The following ADCYAP1 variants were observed in gnomAD, a reference collection of about 807,000 sequenced individuals.
The protein encoded by ADCYAP1 is adenylate cyclase activating polypeptide 1, also known as pituitary adenylate cyclase-activating polypeptide.
A neutral mutation model predicts 18.5 loss-of-function variants in ADCYAP1; 6 were observed. The observed-to-expected ratio is 0.32, with a 90% confidence interval of 0.18 to 0.64. ADCYAP1 has a LOEUF of 0.64. Among genes scored for constraint, ADCYAP1 ranks in the 30% least tolerant of loss-of-function variants. The pLI is 0.77. For synonymous variants in ADCYAP1, 136 were observed against 113.9 expected, an observed-to-expected ratio of 1.19 and a Z score of -1.24; for missense variants, 314 against 253.6, an observed-to-expected ratio of 1.24 and a Z score of -1.62.
chr18:908,500 G>A, intron 4 of ADCYAP1, 137 bp downstream of exon 4: 1 of 611,692 alleles, frequency 1.6e-6, no homozygotes, highest in East Asian at 3.0e-5. Flanking sequence ...CATCCGCCAC[G>A]GGTCGCAGTT....
rs1429777735 is a variant in ADCYAP1 at position 910,292 on chromosome 18, T to C, written c.*657T>C. 7 of 152,264 alleles carry C rather than the reference T, an allele frequency of 4.6e-5. No individual in the cohort carries two copies. Among genetic ancestry groups the C allele is most frequent in the Admixed American group, 1.3e-4 (2 of 15,286 alleles). The allele number at this position is 152,264 out of a possible 1,614,324, so 9.4% of individuals were successfully genotyped here. ...TCTGCTTTCTTTGATTCTCCTTTTA[T>C]GTGTAGTTGTCTCTCTTCAGACTCT... is the stretch of plus-strand genomic sequence containing the variant. On this transcript the variant is annotated 3_prime_UTR_variant, in exon 5 of 5. Coordinates refer to ENST00000450565, the MANE Select transcript of ADCYAP1 (RefSeq NM_001099733.2).
Position 909,551 on chromosome 18 carries a change from T to G in ADCYAP1, c.447T>G (p.Ala149=). Residue 149 remains alanine (A), a synonymous_variant, in exon 5 of 5, where the codon GCT becomes GCG. Transcript: ENST00000450565. Reference sequence around the variant, plus strand: ...ACAGCCGCTACCGGAAACAAATGGCTGTCAAGAAATACTTGGCGGCCGTCC... The same window carrying G: ...ACAGCCGCTACCGGAAACAAATGGCGGTCAAGAAATACTTGGCGGCCGTCC... ...DSYSRYRKQM[A]VKKYLAAVLG... is the part of the protein sequence containing the mutation. The G allele has an allele frequency of 6.2e-7, 1 of 1,614,176 alleles. No homozygotes were observed. The highest frequency in any genetic ancestry group is 8.5e-7 in the Non-Finnish European group (1 of 1,180,016).
chr18:904,624 C>A, upstream of ADCYAP1: 1 of 1,248,378 alleles, frequency 8.0e-7, no homozygotes, highest in Non-Finnish European at 1.0e-6. Context: ...CTCGCGGCTG[C>A]CTGGCCCGCG....
intron 4 of ADCYAP1, 33 bp from the exon 5 acceptor site, chr18:909,413 C>G: frequency 6.3e-7 from 1 of 1,594,096 alleles, no homozygotes; most frequent in Non-Finnish European, 8.5e-7. Flanking sequence ...GTCTCCCGCC[C>G]CGCCACCCTC....
chr18:904,633 C>T (rs981349083), upstream of ADCYAP1: 1 of 1,243,014 alleles, frequency 8.0e-7, no homozygotes, highest in Non-Finnish European at 1.0e-6. Flanking sequence ...GCCTGGCCCG[C>T]GGCTCCTACA....
At chr18:908,966 T>C (rs1253877680) in intron 4 of ADCYAP1, among the ~76,000 whole-genome samples, 2 of 152,150 alleles carry the variant, frequency 1.3e-5, no homozygotes, top group Non-Finnish European at 2.9e-5. Flanking sequence ...GTTTTTCAAC[T>C]CGGCGTGAGG....
Position 909,776 on chromosome 18 carries a change from T to G in ADCYAP1, c.*141T>G, listed in dbSNP as rs1158567143. ...AAGTAAAGCCATTAAATGAATATTT[T>G]GATAATAATATTGTTTTTCTTTCTA... is the stretch of plus-strand genomic sequence containing the variant. On this transcript the variant is annotated 3_prime_UTR_variant, in exon 5 of 5. Transcript: ENST00000450565. 1 of 658,412 alleles carries G rather than the reference T, an allele frequency of 1.5e-6. No individual in the cohort carries two copies. 40.8% of individuals were successfully genotyped at this position (658,412 alleles called of 1,614,324 possible).
Position 908,121 on chromosome 18 carries a change from G to C in ADCYAP1, c.243-144G>C, listed in dbSNP as rs1598984440. 1.2e-5 allele frequency: 9 copies of C among 738,074 alleles called. No individual in the cohort carries two copies. The South Asian group carries it at 1.4e-4, about 12-fold the overall frequency. The allele number at this position is 738,074 out of a possible 1,614,324, so 45.7% of individuals were successfully genotyped here. On this transcript the variant is annotated intron_variant, in intron 3 of 4. Coordinates refer to ENST00000450565, the MANE Select transcript of ADCYAP1 (RefSeq NM_001099733.2). ...AGTTGCTCTCGAGATCATCCCGGGA[G>C]TTATTGGCGAGTTCTGGGCCTCTGG... is the stretch of plus-strand genomic sequence containing the variant.
rs1200286130 is a variant in ADCYAP1, at chr18:911,151, A to T, written c.*1516A>T. 1.3e-5 allele frequency: 2 copies of T among 152,174 alleles called. No individual in the cohort carries two copies. The highest frequency in any genetic ancestry group is 1.3e-4 in the Admixed American group (2 of 15,274). The allele number at this position is 152,174 out of a possible 1,614,324, so 9.4% of individuals were successfully genotyped here. On this transcript the variant is annotated 3_prime_UTR_variant, in exon 5 of 5. Coordinates refer to ENST00000450565, the MANE Select transcript of ADCYAP1 (RefSeq NM_001099733.2). ...CCTCTTCTTCATATGTATGAGTACT[A>T]TCTTATATCTGTGGTCAAGAGTGAG...
At position 905,420 on chromosome 18, in the gene ADCYAP1, C is replaced by A. The variant is rs778244814; in HGVS notation, c.34C>A (p.Leu12Met). 1 of 1,612,988 alleles carries A rather than the reference C, an allele frequency of 6.2e-7. No individual in the cohort carries two copies. Among genetic ancestry groups the A allele is most frequent in the Non-Finnish European group, 8.5e-7 (1 of 1,180,028 alleles). Residue 12 changes from leucine (L) to methionine (M), a missense_variant, in exon 2 of 5, where the codon CTG becomes ATG. Leu to Met is a conservative substitution (Grantham distance 15). Transcript: ENST00000450565. ...GTGTAGCGGAGCGAGGCTGGCCCTG[C>A]TGGTCTATGGGATAATCATGCACAG... Reference protein sequence around the residue: ...TMCSGARLALLVYGIIMHSSV... With the variant: ...TMCSGARLALMVYGIIMHSSV...
At chr18:905,533 G>T (rs752778053) in intron 2 of ADCYAP1, 37 bp downstream of exon 2, 13 of 1,599,848 alleles carry the variant, frequency 8.1e-6, no homozygotes, top group African/African-American at 2.7e-5. Flanking sequence ...AGGAGCTGGG[G>T]CTTCCCAGGC....
chr18:909,322 G>A (rs1909295141), intron 4 of ADCYAP1, 124 bp from the exon 5 acceptor site: 1 of 900,418 alleles, frequency 1.1e-6, no homozygotes, highest in Non-Finnish European at 1.6e-6. Context: ...GCGACGCGGT[G>A]GGCAGTGCGA....
chr18:907,075 G>A (rs1419967831), intron 2 of ADCYAP1, among the ~76,000 whole-genome samples: 1 of 152,234 alleles, frequency 6.6e-6, no homozygotes, highest in Admixed American at 6.5e-5. Context: ...TATTATTCAT[G>A]TTCCTGCCAG....
chr18:908,283 C>T lies in ADCYAP1; in HGVS notation c.261C>T (p.Ile87=). 1 of 1,612,672 alleles carries T rather than the reference C, an allele frequency of 6.2e-7. No individual in the cohort carries two copies. The highest frequency in any genetic ancestry group is 1.1e-5 in the South Asian group (1 of 90,794). ...CCGTTAGAGATGTCGCCCACGGGAT[C>T]CTTAACGAGGCCTACCGCAAAGTGC... ...PAGRRDVAHG[I]LNEAYRKVLD... Residue 87 remains isoleucine (I), a synonymous_variant, in exon 4 of 5, where the codon ATC becomes ATT. Transcript: ENST00000450565.
chr18:908,061 C>A, intron 3 of ADCYAP1: 1 of 676,888 alleles, frequency 1.5e-6, no homozygotes, highest in Non-Finnish European at 2.4e-6. Flanking sequence ...CCGCATCTGC[C>A]ACTCCTAGAG....
At position 909,619 on chromosome 18, in the gene ADCYAP1, G is replaced by A; in HGVS notation, c.515G>A (p.Arg172Gln). 2.5e-6 allele frequency: 4 copies of A among 1,613,590 alleles called. No homozygotes were observed. Among genetic ancestry groups the A allele is most frequent in the Non-Finnish European group, 3.4e-6 (4 of 1,179,690 alleles). Residue 172 changes from arginine (R) to glutamine (Q), a missense_variant, in exon 5 of 5, where the codon CGA becomes CAA. Coordinates refer to ENST00000450565, the MANE Select transcript of ADCYAP1 (RefSeq NM_001099733.2). ...CAAAGGGTTAAAAACAAAGGACGCC[G>A]AATAGCTTATTTGTAGCGATGGGTT... ...YKQRVKNKGR[R>Q]IAYL is the part of the protein sequence containing the mutation.
rs8192594 is a variant in ADCYAP1, at chr18:905,468, G to C, written c.82G>C (p.Ala28Pro). 27 of 1,609,764 alleles carry C rather than the reference G, an allele frequency of 1.7e-5. 1 individual carries two copies. In the East Asian group the frequency reaches 6.0e-4, roughly 36 times the overall value. ...CAGCAGCGTCTACAGCTCACCTGCC[G>C]CCGCCGGACTCCGGTTCCCCGGGAT... is the stretch of plus-strand genomic sequence containing the variant. ...MHSSVYSSPAAAGLRFPGIRP... is the reference protein window; with the variant it reads ...MHSSVYSSPAPAGLRFPGIRP... Residue 28 changes from alanine to proline, a missense_variant, in exon 2 of 5, where the codon GCC becomes CCC. Coordinates refer to ENST00000450565, the MANE Select transcript of ADCYAP1 (RefSeq NM_001099733.2).
At position 909,770 on chromosome 18, in the gene ADCYAP1, A is replaced by G; in HGVS notation, c.*135A>G. ...GTAATGAAGTAAAGCCATTAAATGA[A>G]TATTTTGATAATAATATTGTTTTTC... On this transcript the variant is annotated 3_prime_UTR_variant, in exon 5 of 5. Coordinates refer to ENST00000450565, the MANE Select transcript of ADCYAP1 (RefSeq NM_001099733.2). 1 of 683,296 alleles carries G rather than the reference A, an allele frequency of 1.5e-6. No individual in the cohort carries two copies. The highest frequency in any genetic ancestry group is 2.2e-6 in the Non-Finnish European group (1 of 444,564). 42.3% of individuals were successfully genotyped at this position (683,296 alleles called of 1,614,324 possible).
chr18:905,188 G>T, intron 1 of ADCYAP1, 128 bp downstream of exon 1: 2 of 1,419,596 alleles, frequency 1.4e-6, no homozygotes, highest in Non-Finnish European at 1.8e-6. Flanking sequence ...CCGGGTAGAT[G>T]CATATATATA....
Sources: allele counts gnomAD v4.1 joint callset (sites outside exome capture counted in the v4.1 genomes callset), GRCh38; gene constraint gnomAD v4.1.1; transcripts MANE v1.5; gene names NCBI Gene and HGNC (gene_info 2026-07-23, HGNC 2026-07-21).